The following TBCD variants were observed in gnomAD, a reference collection of about 807,000 sequenced individuals.
TBCD encodes tubulin folding cofactor D.
In TBCD, 105 loss-of-function variants were observed where a neutral mutation model predicts 169.3. The observed-to-expected ratio is 0.62, with a 90% CI of 0.53 to 0.73. TBCD has a LOEUF of 0.73. Ranked by LOEUF, TBCD falls within the 30% of genes least tolerant of loss-of-function variation. The pLI is 0.00. For synonymous variants in TBCD, 700 were observed against 643.9 expected, an observed-to-expected ratio of 1.09 and a Z score of -1.32; for missense variants, 1,444 against 1,600.1, an observed-to-expected ratio of 0.90 and a Z score of 1.66.
chr17:82,898,670 T>G (rs1314823176), intron 17 of TBCD, among the ~76,000 whole-genome samples: 1 of 152,194 alleles, frequency 6.6e-6, no homozygotes, highest in Non-Finnish European at 1.5e-5. Context: ...GACTTTGTTT[T>G]TGGTGTTTTC....
At chr17:82,754,418 T>C (rs1421318779) in intron 1 of TBCD, among the ~76,000 whole-genome samples, 2 of 152,180 alleles carry the variant, frequency 1.3e-5, no homozygotes, top group Non-Finnish European at 2.9e-5. Context: ...AAAGATATCT[T>C]TAAAGGCCAG....
rs193020558 is a variant in TBCD at position 82,789,956 on chromosome 17, C to T, written c.772-7801C>T. ...CCAGGAGCCGGGCTCATCCCCGAGA[C>T]GCCGTGTTCCCTCCCGCTGTCCGCT... On this transcript the variant is annotated intron_variant, in intron 7 of 38. Transcript: ENST00000355528. The surrounding 1 kb of genome is among the most constrained non-coding windows in gnomAD (Gnocchi z 4.8). Among the ~76,000 whole-genome samples the T allele has an allele frequency of 1.1e-4, 16 of 152,348 alleles. No homozygotes were observed. The highest frequency in any genetic ancestry group is 3.4e-4 in the African/African-American group (14 of 41,590).
chr17:82,920,642 T>C lies in TBCD; in HGVS notation c.2101+24T>C. 6.6e-7 allele frequency: 1 copy of C among 1,525,204 alleles called. No homozygotes were observed. The highest frequency in any genetic ancestry group is 2.4e-5 in the East Asian group (1 of 41,152). The allele number at this position is 1,525,204 out of a possible 1,614,324, so 94.5% of individuals were successfully genotyped here. A position where few individuals can be genotyped will look rare whatever the true frequency, so the allele number is the denominator to read the frequency against. On this transcript the variant is annotated intron_variant, in intron 24 of 38. Transcript: ENST00000355528. The surrounding 1 kb of genome is among the most constrained non-coding windows in gnomAD (Gnocchi z 4.1). Reference sequence around the variant, plus strand: ...TGGTAAGTGCTTTTGTTTTTAATAATAGCATTTTCTTACAGAATGACTTCA... The same window carrying C: ...TGGTAAGTGCTTTTGTTTTTAATAACAGCATTTTCTTACAGAATGACTTCA...
chr17:82,809,232 C>T (rs944056229), intron 11 of TBCD, among the ~76,000 whole-genome samples: 5 of 152,074 alleles, frequency 3.3e-5, no homozygotes, highest in Admixed American at 2.0e-4. Flanking sequence ...ACCTTCCCCA[C>T]GGGGCCATCT....
chr17:82,843,257 A>C (rs2054681912), intron 13 of TBCD, among the ~76,000 whole-genome samples: 1 of 151,098 alleles, frequency 6.6e-6, no homozygotes, highest in Non-Finnish European at 1.5e-5. Flanking sequence ...TCCAGTTAAC[A>C]CAGCTGTCTG....
intron 13 of TBCD, among the ~76,000 whole-genome samples, chr17:82,847,213 C>T (rs1196281948): frequency 2.6e-5 from 4 of 151,872 alleles, no homozygotes; most frequent in African/African-American, 7.3e-5. Context: ...ATTAGCTGGG[C>T]GTGGTGGTGG....
At chr17:82,777,880 GC>G (rs1212326190) in intron 6 of TBCD, among the ~76,000 whole-genome samples, 4 of 152,174 alleles carry the variant, frequency 2.6e-5, no homozygotes, top group South Asian at 2.1e-4. Context: ...CCGCTAAGTA[GC>G]GGGTGTTTTT....
chr17:82,872,697 C>G (rs76135239), intron 14 of TBCD, among the ~76,000 whole-genome samples: 1,548 of 152,360 alleles, frequency 0.01, 33 homozygotes, highest in African/African-American at 0.035. Flanking sequence ...GAGAAAACTT[C>G]CTTACGTTGA....
Position 82,920,604 on chromosome 17 carries a change from G to T in TBCD, c.2087G>T (p.Gly696Val), listed in dbSNP as rs1284474521. Residue 696 changes from glycine to valine, a missense_variant, in exon 24 of 39, where the codon GGT becomes GTT. Coordinates refer to ENST00000355528, the MANE Select transcript of TBCD (RefSeq NM_005993.5). The surrounding 1 kb of genome is among the most constrained non-coding windows in gnomAD (Gnocchi z 4.1). ...KLSLSKMPFRGDTVIDGWQWL... is the reference protein window; with the variant it reads ...KLSLSKMPFRVDTVIDGWQWL... ...TCACTTTCCAAAATGCCCTTTAGAG[G>T]TGACACCGTAATTGGTAAGTGCTTT... 1.3e-6 allele frequency: 2 copies of T among 1,551,022 alleles called. No individual in the cohort carries two copies. Among genetic ancestry groups the T allele is most frequent in the Non-Finnish European group, 8.7e-7 (1 of 1,147,694 alleles).
chr17:82,937,188 T>C, intron 34 of TBCD, 83 bp from the exon 35 acceptor site: 1 of 1,298,576 alleles, frequency 7.7e-7, no homozygotes, highest in Non-Finnish European at 1.1e-6. Context: ...GAGGACGGAG[T>C]TGACCTTCTT....
Position 82,757,311 on chromosome 17 carries a change from G to GT in TBCD, c.235+1105dup, listed in dbSNP as rs962551549. On this transcript the variant is annotated intron_variant, in intron 2 of 38. Coordinates refer to ENST00000355528, the MANE Select transcript of TBCD (RefSeq NM_005993.5). Reference sequence around the variant, plus strand: ...TAGTTTGTGCTGTGCATCTTGTTCTGTTTTTTTTTCTTCAAATAACAGATT... The same window carrying GT: ...TAGTTTGTGCTGTGCATCTTGTTCTGTTTTTTTTTTCTTCAAATAACAGATT... 1.1e-4 allele frequency among the ~76,000 whole-genome samples: 17 copies of GT among 151,218 alleles called. 1 individual carries two copies. Among genetic ancestry groups the GT allele is most frequent in the African/African-American group, 1.5e-4 (6 of 41,176 alleles).
Position 82,945,175 on chromosome 17 carries a change from A to G in TBCD, c.*2712A>G, listed in dbSNP as rs1453549232. On this transcript the variant is annotated 3_prime_UTR_variant, in exon 39 of 39. Transcript: ENST00000355528. ...CCTAGAAATGTAAGAAGTGAAATGA[A>G]AAGCTCAATGGATAGCTTAGACACA... 1 of 152,250 alleles carries G rather than the reference A, an allele frequency of 6.6e-6. No homozygotes were observed. The highest frequency in any genetic ancestry group is 1.5e-5 in the Non-Finnish European group (1 of 68,028). 9.4% of individuals were successfully genotyped at this position (152,250 alleles called of 1,614,324 possible).
intron 12 of TBCD, among the ~76,000 whole-genome samples, chr17:82,811,199 C>G (rs2051414092): frequency 6.6e-6 from 1 of 152,190 alleles, no homozygotes; most frequent in Admixed American, 6.5e-5. Flanking sequence ...CCACCTGCGG[C>G]CTTCACAACA....
At chr17:82,869,373 G>C (rs2057401752) in intron 13 of TBCD, among the ~76,000 whole-genome samples, 1 of 152,118 alleles carries the variant, frequency 6.6e-6, no homozygotes. Flanking sequence ...TTAAAAAGTA[G>C]CTGGGTGTGA....
chr17:82,838,753 A>G lies in TBCD; in HGVS notation c.1318+23819A>G, dbSNP rs1324700588. 5.1e-6 allele frequency: 5 copies of G among 985,336 alleles called. No individual in the cohort carries two copies. In the African/African-American group the frequency reaches 7.0e-5, roughly 14 times the overall value. 61.0% of individuals were successfully genotyped at this position (985,336 alleles called of 1,614,324 possible). On this transcript the variant is annotated intron_variant, in intron 13 of 38. Transcript: ENST00000355528. ...GGAAAAGACAGTCTTTGGGAATGTA[A>G]TTTGGAAGAATGGATCCAGAAAAAC...
intron 38 of TBCD, chr17:82,941,846 G>A: frequency 3.4e-6 from 1 of 295,722 alleles, no homozygotes; most frequent in Non-Finnish European, 6.3e-6. Flanking sequence ...TGGGGCCGGG[G>A]CTGGGTGAGA....
Position 82,766,366 on chromosome 17 carries a change from G to C in TBCD, c.433G>C (p.Glu145Gln), listed in dbSNP as rs1483086820. The C allele has an allele frequency of 1.2e-6, 2 of 1,610,162 alleles. No homozygotes were observed. Among genetic ancestry groups the C allele is most frequent in the Non-Finnish European group, 1.7e-6 (2 of 1,177,912 alleles). The part of the protein sequence containing the change: ...LVTIQNPKDH[E>Q]AWETRYMLLL... ...CACAATTCAGAATCCCAAGGACCAT[G>C]AAGTGAGTGTCTCTGCCTCCCCCCT... Residue 145 changes from glutamate to glutamine, a missense_variant and splice_region_variant, in exon 4 of 39, where the codon GAA (glutamate) becomes CAA (glutamine). By Grantham distance (29) the Glu-to-Gln change is conservative. Transcript: ENST00000355528.
chr17:82,878,879 G>A (rs1462024020), intron 14 of TBCD, among the ~76,000 whole-genome samples: 2 of 152,032 alleles, frequency 1.3e-5, no homozygotes, highest in Non-Finnish European at 1.5e-5. Context: ...TTCATCATTC[G>A]CTCCTGCCAG....
intron 8 of TBCD, among the ~76,000 whole-genome samples, chr17:82,799,441 C>CAAAAAAAAAAAAAA (rs61017445): frequency 2.8e-5 from 2 of 72,620 alleles, no homozygotes; most frequent in African/African-American, 5.2e-5. Flanking sequence ...GACTCTGTCT[C>CAAAAAAAAAAAAAA]AAAAAAAAAA....
Sources: gnomAD v4.1 joint callset for allele counts (sites outside exome capture counted in the v4.1 genomes callset) on GRCh38, gnomAD v4.1.1 for gene constraint, Gnocchi (gnomAD v3.1) non-coding constraint, MANE v1.5 for transcripts, NCBI Gene and HGNC (gene_info 2026-07-23, HGNC 2026-07-21) for gene names.